TMTC2: variants seen among roughly 807,000 people sequenced by gnomAD.
TMTC2 encodes the protein protein O-mannosyl-transferase TMTC2.
In TMTC2, 43 loss-of-function variants were observed where a neutral mutation model predicts 82.4. That is an observed-to-expected ratio of 0.52 (90% CI 0.41 to 0.67). The LOEUF (loss-of-function observed/expected upper bound fraction) is 0.67, where lower values mean the gene tolerates loss of function less well. TMTC2 is among the 30% of genes least tolerant of loss of function. The pLI is 0.00. For synonymous variants in TMTC2, 408 were observed against 381.9 expected, an observed-to-expected ratio of 1.07 and a Z score of -0.80; for missense variants, 919 against 1,012.4, an observed-to-expected ratio of 0.91 and a Z score of 1.25.
At chr12:82,963,499 A>G (rs1167169495) in intron 4 of TMTC2, among the ~76,000 whole-genome samples, 2 of 151,690 alleles carry the variant, frequency 1.3e-5, no homozygotes, top group East Asian at 1.9e-4. Context: ...AAGCAAAGCC[A>G]TGAAGACATT....
At chr12:82,945,819 C>T (rs1876962848) in intron 4 of TMTC2, among the ~76,000 whole-genome samples, 1 of 152,032 alleles carries the variant, frequency 6.6e-6, no homozygotes, top group African/African-American at 2.4e-5. Flanking sequence ...TACTTTCTTT[C>T]TTGTACAAAA....
intron 4 of TMTC2, among the ~76,000 whole-genome samples, chr12:82,939,199 A>G (rs371148831): frequency 6.6e-6 from 1 of 151,856 alleles, no homozygotes; most frequent in Non-Finnish European, 1.5e-5. Context: ...TACTGTTTAT[A>G]TTTCTTGTCT....
At chr12:82,937,988 C>T (rs966027527) in intron 4 of TMTC2, among the ~76,000 whole-genome samples, 4 of 146,774 alleles carry the variant, frequency 2.7e-5, no homozygotes, top group African/African-American at 5.1e-5. Context: ...GATCTCAGCT[C>T]ACTGCAACCT....
intron 7 of TMTC2, among the ~76,000 whole-genome samples, chr12:82,982,693 C>G (rs1485522357): frequency 6.6e-6 from 1 of 151,914 alleles, no homozygotes; most frequent in East Asian, 1.9e-4. Context: ...AATGAATGGG[C>G]TGGCTGATGG....
At chr12:82,728,872 C>T (rs1874603184) in intron 1 of TMTC2, among the ~76,000 whole-genome samples, 1 of 152,236 alleles carries the variant, frequency 6.6e-6, no homozygotes, top group Non-Finnish European at 1.5e-5. Context: ...GAGCAGCCAG[C>T]CAGCCCGCTG....
Position 82,907,411 on chromosome 12 carries a change from T to G in TMTC2, c.1483+10765T>G, listed in dbSNP as rs934778791. On this transcript the variant is annotated intron_variant, in intron 3 of 11. Transcript: ENST00000321196. Reference sequence around the variant, plus strand: ...CGGGCAGGTGGAGGTTGCAGTTAGTTGAGATTGTGCCACTGCACTCCAGCC... The same window carrying G: ...CGGGCAGGTGGAGGTTGCAGTTAGTGGAGATTGTGCCACTGCACTCCAGCC... Among the ~76,000 whole-genome samples, 3 of 151,256 alleles carry G rather than the reference T, an allele frequency of 2.0e-5. No homozygotes were observed. The East Asian group carries it at 5.9e-4, about 30-fold the overall frequency.
intron 8 of TMTC2, among the ~76,000 whole-genome samples, chr12:83,019,819 T>G (rs1271451066): frequency 6.6e-6 from 1 of 152,138 alleles, no homozygotes; most frequent in Non-Finnish European, 1.5e-5. Flanking sequence ...CACTCTCTTA[T>G]CCTCAGTACC....
At chr12:82,692,698 T>G (rs1229753549) in intron 1 of TMTC2, among the ~76,000 whole-genome samples, 1 of 152,246 alleles carries the variant, frequency 6.6e-6, no homozygotes, top group Non-Finnish European at 1.5e-5. Flanking sequence ...CTTTGGATAC[T>G]TATTTTAATG....
chr12:82,950,795 ACT>A (rs1007399592), intron 4 of TMTC2, among the ~76,000 whole-genome samples: 18 of 152,276 alleles, frequency 1.2e-4, no homozygotes, highest in African/African-American at 3.1e-4. Flanking sequence ...TTAAGGAAAA[ACT>A]CATATAAAAA....
intron 8 of TMTC2, among the ~76,000 whole-genome samples, chr12:83,028,714 C>T (rs1881285905): frequency 6.6e-6 from 1 of 152,106 alleles, no homozygotes; most frequent in Non-Finnish European, 1.5e-5. Context: ...AGCTGTTCTG[C>T]TTCCCTAGAA....
In TMTC2 at chr12:82,847,803, G is replaced by A. The variant is rs1870769138; in HGVS notation, c.84-9207G>A. ...CACACGGGGGCCTGTCAGGGGGTGT[G>A]GGACTTGGGGGAGGGATAGCATTAG... is the stretch of plus-strand genomic sequence containing the variant. On this transcript the variant is annotated intron_variant, in intron 1 of 11. Transcript: ENST00000321196. 2.0e-5 allele frequency among the ~76,000 whole-genome samples: 3 copies of A among 151,928 alleles called. No homozygotes were observed. In the South Asian group the frequency reaches 6.2e-4, roughly 32 times the overall value.
chr12:82,847,934 TTAAAG>T (rs1870777824), intron 1 of TMTC2, among the ~76,000 whole-genome samples: 1 of 152,118 alleles, frequency 6.6e-6, no homozygotes, highest in East Asian at 1.9e-4. Context: ...ACCCTAGAAC[TTAAAG>T]TATAATAATA....
At chr12:82,749,881 G>A (rs145921017) in intron 1 of TMTC2, among the ~76,000 whole-genome samples, 10,532 of 151,854 alleles carry the variant, frequency 0.069, 453 homozygotes, top group Non-Finnish European at 0.099. Context: ...GGGATTACAG[G>A]CATGCACCAC....
At chr12:83,108,051 T>TA (rs576911129) in intron 11 of TMTC2, among the ~76,000 whole-genome samples, 8 of 152,166 alleles carry the variant, frequency 5.3e-5, no homozygotes, top group Non-Finnish European at 1.2e-4. Flanking sequence ...AGATGCCTGC[T>TA]TCTCCTTCGC....
At chr12:83,071,133 A>G (rs1240011655) in intron 11 of TMTC2, among the ~76,000 whole-genome samples, 1 of 150,470 alleles carries the variant, frequency 6.6e-6, no homozygotes, top group Non-Finnish European at 1.5e-5. Flanking sequence ...GTCATCAAGA[A>G]TATTGGTCTG....
At chr12:83,064,028 C>CT (rs1229724821) in intron 11 of TMTC2, among the ~76,000 whole-genome samples, 59 of 131,382 alleles carry the variant, frequency 4.5e-4, no homozygotes, top group Admixed American at 9.0e-4. Flanking sequence ...CAGAGTTTTT[C>CT]TTTTTTTTTT....
chr12:82,920,548 A>G (rs1875327501), intron 3 of TMTC2, among the ~76,000 whole-genome samples: 1 of 152,204 alleles, frequency 6.6e-6, no homozygotes, highest in Non-Finnish European at 1.5e-5. Context: ...TTCTTAGTAA[A>G]TGGATACCTT....
chr12:82,691,123 A>G (rs1235916651), intron 1 of TMTC2, among the ~76,000 whole-genome samples: 1 of 152,200 alleles, frequency 6.6e-6, no homozygotes, highest in Non-Finnish European at 1.5e-5. Flanking sequence ...AGTAAATAAG[A>G]TAATGCAACT....
At chr12:83,037,315 A>G (rs1406774978) in intron 9 of TMTC2, among the ~76,000 whole-genome samples, 8 of 152,228 alleles carry the variant, frequency 5.3e-5, no homozygotes, top group Non-Finnish European at 2.9e-5. Flanking sequence ...AAAGCTACTT[A>G]GAAGATGGTA....
Sources: gnomAD v4.1 joint callset for allele counts (sites outside exome capture counted in the v4.1 genomes callset) on GRCh38, gnomAD v4.1.1 for gene constraint, MANE v1.5 for transcripts, NCBI Gene and HGNC (gene_info 2026-07-23, HGNC 2026-07-21) for gene names.